Variants in PLCL1 observed in about 807,000 individuals in gnomAD.
PLCL1 encodes phospholipase C like 1 (inactive).
PLCL1 carries 41 observed loss-of-function variants against 84.4 expected under a neutral mutation model. The observed-to-expected ratio is 0.49, with a 90% CI of 0.38 to 0.63. The LOEUF (loss-of-function observed/expected upper bound fraction) is 0.63, where lower values mean the gene tolerates loss of function less well. PLCL1 is among the 30% of genes least tolerant of loss of function. PLCL1 has a pLI of 0.00. For missense variants in PLCL1, 1,206 were observed against 1,367.8 expected (o/e 0.88, Z 1.87); for synonymous variants, 490 against 488.3 (o/e 1.00, Z -0.05).
rs1397211317 is a variant in PLCL1, at chr2:198,120,753, A to G, written c.3105+16817A>G. On this transcript the variant is annotated intron_variant, in intron 5 of 5. Transcript: ENST00000428675. Reference sequence around the variant, plus strand: ...CTTAGGTTGCTTCCAAATCTTGGCTATTATGAATAGTGCTGCAATAAACCT... The same window carrying G: ...CTTAGGTTGCTTCCAAATCTTGGCTGTTATGAATAGTGCTGCAATAAACCT... Among the ~76,000 whole-genome samples the G allele has an allele frequency of 5.3e-5, 8 of 152,086 alleles. No individual in the cohort carries two copies. In the East Asian group the frequency reaches 1.5e-3, roughly 29 times the overall value.
chr2:197,987,774 T>A (rs1690247109), intron 1 of PLCL1, among the ~76,000 whole-genome samples: 1 of 151,950 alleles, frequency 6.6e-6, no homozygotes, highest in Non-Finnish European at 1.5e-5. Flanking sequence ...TTAGTGAGGG[T>A]CTGCTATATA....
intron 5 of PLCL1, among the ~76,000 whole-genome samples, chr2:198,111,114 T>G (rs571223755): frequency 6.6e-6 from 1 of 152,008 alleles, no homozygotes; most frequent in East Asian, 1.9e-4. Flanking sequence ...CTCTATGCTC[T>G]TGTATCAGTT....
chr2:198,104,928 T>C (rs1304359), intron 5 of PLCL1, among the ~76,000 whole-genome samples: 103,005 of 151,916 alleles, frequency 0.68, 35,329 homozygotes, highest in East Asian at 0.81. Context: ...GTTAGACCTT[T>C]GTTGGATGCA....
At position 198,101,302 on chromosome 2, in the gene PLCL1, G is replaced by C; in HGVS notation, c.2937G>C (p.Arg979=). The stretch of plus-strand genomic sequence containing the variant: ...TGTAACAGATGATTCAAGAGAGCCG[G>C]TTTCTCATAGAAATGGCGGACACAG... ...TAYDLMIQES[R]FLIEMADTVQ... is the part of the protein sequence containing the mutation. The change falls in exon 4 of 6, where the codon CGG becomes CGC. Residue 979 remains arginine (R), a synonymous_variant. Transcript: ENST00000428675. 1.3e-6 allele frequency: 2 copies of C among 1,596,780 alleles called. No homozygotes were observed. Among genetic ancestry groups the C allele is most frequent in the Non-Finnish European group, 1.7e-6 (2 of 1,165,774 alleles).
intron 1 of PLCL1, among the ~76,000 whole-genome samples, chr2:197,881,574 T>A (rs1687830437): frequency 6.6e-6 from 1 of 151,948 alleles, no homozygotes; most frequent in African/African-American, 2.4e-5. Flanking sequence ...CTACTGCCCA[T>A]GTGACCTTGG....
At chr2:197,930,579 A>C (rs1275583186) in intron 1 of PLCL1, among the ~76,000 whole-genome samples, 1 of 151,986 alleles carries the variant, frequency 6.6e-6, no homozygotes, top group African/African-American at 2.4e-5. Context: ...TTATTCTTTG[A>C]TGCTTTTCAT....
chr2:197,933,219 C>T (rs1688978802), intron 1 of PLCL1, among the ~76,000 whole-genome samples: 1 of 151,094 alleles, frequency 6.6e-6, no homozygotes, highest in African/African-American at 2.4e-5. Context: ...TTCTTTTATT[C>T]CTGACTCCCA....
chr2:198,025,939 G>T (rs1461957862), intron 1 of PLCL1, among the ~76,000 whole-genome samples: 1 of 152,174 alleles, frequency 6.6e-6, no homozygotes, highest in East Asian at 1.9e-4. Flanking sequence ...CAGAGATTTT[G>T]TTCAAAATGA....
At chr2:197,897,758 G>C (rs1688183945) in intron 1 of PLCL1, among the ~76,000 whole-genome samples, 1 of 152,186 alleles carries the variant, frequency 6.6e-6, no homozygotes, top group African/African-American at 2.4e-5. Flanking sequence ...TTGTTATTCT[G>C]AGGTCTGGTA....
intron 1 of PLCL1, among the ~76,000 whole-genome samples, chr2:197,852,897 A>T (rs971628498): frequency 3.3e-5 from 5 of 152,174 alleles, no homozygotes; most frequent in Admixed American, 6.6e-5. Context: ...CATAAAATTA[A>T]CTATTTTAGC....
At chr2:197,929,120 TTCC>T (rs1688884899) in intron 1 of PLCL1, among the ~76,000 whole-genome samples, 1 of 152,176 alleles carries the variant, frequency 6.6e-6, no homozygotes, top group Non-Finnish European at 1.5e-5. Context: ...AATAAACAGT[TTCC>T]AGGCCAGTCA....
intron 1 of PLCL1, among the ~76,000 whole-genome samples, chr2:197,860,280 A>C (rs1031832203): frequency 3.9e-5 from 6 of 151,998 alleles, no homozygotes; most frequent in Admixed American, 1.3e-4. Context: ...TCTACCAGTG[A>C]TGGGCATTTA....
intron 1 of PLCL1, among the ~76,000 whole-genome samples, chr2:197,825,028 A>C (rs1012591479): frequency 6.6e-6 from 1 of 152,136 alleles, no homozygotes; most frequent in African/African-American, 2.4e-5. Flanking sequence ...TTTTTTGACC[A>C]AGCATGCTGA....
intron 5 of PLCL1, among the ~76,000 whole-genome samples, chr2:198,131,746 T>C (rs962258266): frequency 6.6e-6 from 1 of 152,184 alleles, no homozygotes; most frequent in African/African-American, 2.4e-5. Context: ...TATTTTGCCT[T>C]GGTTATCAAG....
chr2:198,041,249 G>A (rs1315032721), intron 1 of PLCL1, among the ~76,000 whole-genome samples: 2 of 152,150 alleles, frequency 1.3e-5, no homozygotes, highest in African/African-American at 4.8e-5. Flanking sequence ...TAGCTCTGCT[G>A]CTCTTTTTAG....
intron 1 of PLCL1, among the ~76,000 whole-genome samples, chr2:197,996,447 T>G (rs1444821216): frequency 6.6e-6 from 1 of 152,162 alleles, no homozygotes; most frequent in Non-Finnish European, 1.5e-5. Flanking sequence ...TGGAATTTAG[T>G]TAATAATAAT....
chr2:197,998,896 T>A (rs1257872673), intron 1 of PLCL1, among the ~76,000 whole-genome samples: 1 of 152,156 alleles, frequency 6.6e-6, no homozygotes, highest in Non-Finnish European at 1.5e-5. Flanking sequence ...CCCACATGAT[T>A]GTGAATCACC....
At chr2:198,123,845 G>A (rs1427692126) in intron 5 of PLCL1, among the ~76,000 whole-genome samples, 1 of 151,934 alleles carries the variant, frequency 6.6e-6, no homozygotes, top group African/African-American at 2.4e-5. Context: ...CCTAACTAAT[G>A]CCTGAGGATC....
intron 1 of PLCL1, among the ~76,000 whole-genome samples, chr2:197,959,103 C>T (rs769270567): frequency 1.7e-4 from 26 of 151,926 alleles, no homozygotes; most frequent in African/African-American, 5.1e-4. Context: ...TATGTGACTT[C>T]AGCCAAATCA....
Sources: gnomAD v4.1 joint callset for allele counts (sites outside exome capture counted in the v4.1 genomes callset) on GRCh38, gnomAD v4.1.1 for gene constraint, MANE v1.5 for transcripts, NCBI Gene and HGNC (gene_info 2026-07-23, HGNC 2026-07-21) for gene names.